The following ATP9B variants were observed in gnomAD, a reference collection of about 807,000 sequenced individuals.
The protein encoded by ATP9B is ATPase phospholipid transporting 9B.
In ATP9B, 110 loss-of-function variants were observed where a neutral mutation model predicts 146.1. The ratio of observed to expected loss-of-function variants is 0.75; its 90% CI spans 0.65 to 0.88. The LOEUF (loss-of-function observed/expected upper bound fraction) is 0.88. Ranked by LOEUF, ATP9B falls within the 40% of genes least tolerant of loss-of-function variation. ATP9B has a pLI of 0.00. For missense variants in ATP9B, 1,499 were observed against 1,496.4 expected (o/e 1.00, Z -0.03); for synonymous variants, 604 against 569.7 (o/e 1.06, Z -0.86).
intron 5 of ATP9B, among the ~76,000 whole-genome samples, chr18:79,137,663 C>T (rs2094463763): frequency 6.6e-6 from 1 of 152,204 alleles, no homozygotes; most frequent in Non-Finnish European, 1.5e-5. Flanking sequence ...GGCATGTTCT[C>T]CTTCAGGAAC....
rs377295515 is a variant in ATP9B at position 79,110,538 on chromosome 18, G to T, written c.444+33G>T. 4.2e-5 allele frequency: 67 copies of T among 1,578,110 alleles called. No homozygotes were observed. In the African/African-American group the frequency reaches 9.2e-4, roughly 22 times the overall value. On this transcript the variant is annotated intron_variant, in intron 3 of 29. Coordinates refer to ENST00000426216, the MANE Select transcript of ATP9B (RefSeq NM_198531.5). ...TATTGCATTCTTGGAGATGGGTTGT[G>T]TGTCAGAGATTGCTGGCTTCCTTTG... is the stretch of plus-strand genomic sequence containing the variant.
intron 8 of ATP9B, among the ~76,000 whole-genome samples, chr18:79,190,539 CACACACATAT>C (rs987409690): frequency 7.1e-5 from 10 of 140,156 alleles, no homozygotes; most frequent in Non-Finnish European, 1.1e-4. Context: ...CACACACACA[CACACACATAT>C]ACATATATTT....
chr18:79,137,732 G>A lies in ATP9B; in HGVS notation c.668-6070G>A, dbSNP rs185719227. Among the ~76,000 whole-genome samples, 423 of 152,210 alleles carry A rather than the reference G, an allele frequency of 2.8e-3. 1 individual carries two copies. The highest frequency in any genetic ancestry group is 1.0e-2 in the African/African-American group (414 of 41,530). ...TCTTAGATGCCTGTTCGTGGCCTCCGCACTGTTTCCTGACTCCTGGCTCCA... is the reference window on the plus strand; with the variant it reads ...TCTTAGATGCCTGTTCGTGGCCTCCACACTGTTTCCTGACTCCTGGCTCCA... On this transcript the variant is annotated intron_variant, in intron 5 of 29. Transcript: ENST00000426216.
intron 16 of ATP9B, among the ~76,000 whole-genome samples, chr18:79,329,707 A>C (rs2096779991): frequency 6.6e-6 from 1 of 152,240 alleles, no homozygotes; most frequent in South Asian, 2.1e-4. Context: ...AGTTGACTAA[A>C]CAATGAAGCA....
chr18:79,376,200 CACACACACACACACAA>C lies in ATP9B; in HGVS notation c.3307+776_3307+791del, dbSNP rs1009381915. ...ACACACACACACACACACACACACACACACACACACACACAAAACAAAACAAAAAAATGGCTAGCCT... is the reference window on the plus strand; with the variant it reads ...ACACACACACACACACACACACACACAACAAAACAAAAAAATGGCTAGCCT... On this transcript the variant is annotated intron_variant, in intron 29 of 29. Coordinates refer to ENST00000426216, the MANE Select transcript of ATP9B (RefSeq NM_198531.5). The C allele has an allele frequency of 1.7e-5, 16 of 968,308 alleles. No homozygotes were observed. The African/African-American group carries it at 2.9e-4, about 17-fold the overall frequency. The allele number at this position is 968,308 out of a possible 1,614,324, so 60.0% of individuals were successfully genotyped here. A position where few individuals can be genotyped will look rare whatever the true frequency, so the allele number is the denominator to read the frequency against.
intron 19 of ATP9B, among the ~76,000 whole-genome samples, chr18:79,339,254 A>AGGAAGTG (rs2096843778): frequency 7.0e-6 from 1 of 142,698 alleles, no homozygotes; most frequent in Non-Finnish European, 1.5e-5. Context: ...AGTAGGAAGT[A>AGGAAGTG]TGTCATGATC....
chr18:79,207,119 G>T, intron 10 of ATP9B, 107 bp downstream of exon 10: 3 of 1,084,552 alleles, frequency 2.8e-6, no homozygotes, highest in Non-Finnish European at 4.1e-6. Flanking sequence ...GAAATATTTA[G>T]GGACCTTGCT....
chr18:79,240,382 AAG>A (rs1469654615), intron 11 of ATP9B, among the ~76,000 whole-genome samples: 2 of 152,246 alleles, frequency 1.3e-5, no homozygotes, highest in African/African-American at 4.8e-5. Flanking sequence ...AAAATAGTAA[AAG>A]AGAAACATTT....
intron 6 of ATP9B, 157 bp downstream of exon 6, chr18:79,144,017 T>A: frequency 6.3e-6 from 3 of 476,182 alleles, no homozygotes. Context: ...AAAATCTAGA[T>A]TTTTGTATAT....
chr18:79,155,639 A>G (rs923400915), intron 7 of ATP9B, among the ~76,000 whole-genome samples: 1 of 152,168 alleles, frequency 6.6e-6, no homozygotes, highest in African/African-American at 2.4e-5. Flanking sequence ...TTCTAATGTG[A>G]AAACTGTAGA....
chr18:79,365,464 CAT>C (rs1327824632), intron 26 of ATP9B, among the ~76,000 whole-genome samples: 1 of 152,244 alleles, frequency 6.6e-6, no homozygotes, highest in Non-Finnish European at 1.5e-5. Context: ...CAAAGGTAAA[CAT>C]GTATTTACCC....
At chr18:79,330,659 C>T (rs1194764511) in intron 17 of ATP9B, among the ~76,000 whole-genome samples, 2 of 152,138 alleles carry the variant, frequency 1.3e-5, no homozygotes, top group African/African-American at 2.4e-5. Context: ...GTGATCCGCC[C>T]GTGTCGGCCT....
intron 26 of ATP9B, chr18:79,360,180 C>A (rs766457385): frequency 6.6e-6 from 1 of 152,230 alleles, no homozygotes; most frequent in Non-Finnish European, 1.5e-5. Context: ...AAGAGAGGCT[C>A]AGCTCTGCAG....
chr18:79,283,566 G>A (rs1224093766), intron 13 of ATP9B, among the ~76,000 whole-genome samples: 1 of 152,212 alleles, frequency 6.6e-6, no homozygotes, highest in Non-Finnish European at 1.5e-5. Flanking sequence ...GGACAAGAAA[G>A]CAATGTGGTA....
At chr18:79,110,542 C>T in intron 3 of ATP9B, 37 bp downstream of exon 3, 2 of 1,570,432 alleles carry the variant, frequency 1.3e-6, no homozygotes. Context: ...GGTTGTGTGT[C>T]AGAGATTGCT....
rs1491344590 is a variant in ATP9B, at chr18:79,256,256, G to GCT, written c.1268+2716_1268+2717dup. ...CATGCCATTTTGTGAATTCTAGCTA[G>GCT]CTATATATATATATATATATATATA... is the stretch of plus-strand genomic sequence containing the variant. On this transcript the variant is annotated intron_variant, in intron 12 of 29. Coordinates refer to ENST00000426216, the MANE Select transcript of ATP9B (RefSeq NM_198531.5). Among the ~76,000 whole-genome samples the GCT allele has an allele frequency of 2.1e-3, 87 of 41,804 alleles. 1 individual carries two copies. The highest frequency in any genetic ancestry group is 0.02 in the East Asian group (51 of 2,578). 27.4% of individuals were successfully genotyped at this position (41,804 alleles called of 152,430 possible).
chr18:79,371,932 C>T (rs2097073398), intron 26 of ATP9B, among the ~76,000 whole-genome samples: 1 of 152,228 alleles, frequency 6.6e-6, no homozygotes, highest in Non-Finnish European at 1.5e-5. Flanking sequence ...GAGGAAATCA[C>T]GGAACTTCTC....
intron 7 of ATP9B, among the ~76,000 whole-genome samples, chr18:79,170,581 T>C (rs919423075): frequency 9.9e-5 from 15 of 152,196 alleles, no homozygotes; most frequent in Non-Finnish European, 2.1e-4. Flanking sequence ...CTGTAGACTT[T>C]GTTTGGGAAA....
rs774863658 is a variant in ATP9B, at chr18:79,330,009, T to C, written c.1936-3T>C. On this transcript the variant is annotated splice_region_variant and splice_polypyrimidine_tract_variant and intron_variant, in intron 16 of 29. Coordinates refer to ENST00000426216, the MANE Select transcript of ATP9B (RefSeq NM_198531.5). ...GCCTCTGTTTATTTTTGTTCTTTGA[T>C]AGGATGAATCCACGGCAGAAATCAC... 6.2e-7 allele frequency: 1 copy of C among 1,613,726 alleles called. No homozygotes were observed. Among genetic ancestry groups the C allele is most frequent in the Admixed American group, 1.7e-5 (1 of 60,022 alleles).
Sources: allele counts gnomAD v4.1 joint callset (sites outside exome capture counted in the v4.1 genomes callset), GRCh38; gene constraint gnomAD v4.1.1; transcripts MANE v1.5; gene names NCBI Gene and HGNC (gene_info 2026-07-23, HGNC 2026-07-21).